CRTAP: variants seen among roughly 807,000 people sequenced by gnomAD.
CRTAP encodes cartilage-associated protein.
In CRTAP, 33 loss-of-function variants were observed where a neutral mutation model predicts 42.7. The ratio of observed to expected loss-of-function variants is 0.77; its 90% CI spans 0.59 to 1.03. The LOEUF is 1.03. Ranked by LOEUF, CRTAP falls within the 50% of genes least tolerant of loss-of-function variation. The probability of loss-of-function intolerance (pLI) is 0.00; values close to 1 mark genes in which losing one functional copy is unlikely to be tolerated. For missense variants in CRTAP, 613 were observed against 533.9 expected, an observed-to-expected ratio of 1.15 and a Z score of -1.46; for synonymous variants, 243 against 217.7, an observed-to-expected ratio of 1.12 and a Z score of -1.02.
chr3:33,144,948 A>C lies in CRTAP; in HGVS notation c.*2500A>C, dbSNP rs1362850790. ...GTGTAGTTGGGCCCCTCCAGGGTTG[A>C]AGGCAAGAGGAGAAAGGCACAGCGT... is the stretch of plus-strand genomic sequence containing the variant. On this transcript the variant is annotated 3_prime_UTR_variant, in exon 7 of 7. Transcript: ENST00000320954. 1 of 152,242 alleles carries C rather than the reference A, an allele frequency of 6.6e-6. No individual in the cohort carries two copies. Among genetic ancestry groups the C allele is most frequent in the Non-Finnish European group, 1.5e-5 (1 of 68,064 alleles). 9.4% of individuals were successfully genotyped at this position (152,242 alleles called of 1,614,324 possible). A position where few individuals can be genotyped will look rare whatever the true frequency, so the allele number is the denominator to read the frequency against.
At chr3:33,118,915 G>A (rs4478037) in intron 1 of CRTAP, among the ~76,000 whole-genome samples, 129,655 of 152,210 alleles carry the variant, frequency 0.85, 55,942 homozygotes, top group Non-Finnish European at 0.91. Flanking sequence ...TCCGGGGCCC[G>A]CAGCCCTGCT....
At chr3:33,129,571 T>C (rs2030180532) in intron 3 of CRTAP, among the ~76,000 whole-genome samples, 1 of 142,738 alleles carries the variant, frequency 7.0e-6, no homozygotes, top group South Asian at 2.2e-4. Context: ...GGAGTCTTGC[T>C]CTGTTGCCCA....
At chr3:33,141,307 A>G (rs2030564266) in intron 6 of CRTAP, among the ~76,000 whole-genome samples, 1 of 152,146 alleles carries the variant, frequency 6.6e-6, no homozygotes, top group African/African-American at 2.4e-5. Context: ...TATACACATA[A>G]TCCCTCTACT....
rs1435396409 is a variant in CRTAP, at chr3:33,114,232, T to C, written c.155T>C (p.Leu52Pro). The C allele has an allele frequency of 1.9e-6, 3 of 1,592,100 alleles. No individual in the cohort carries two copies. The highest frequency in any genetic ancestry group is 2.6e-6 in the Non-Finnish European group (3 of 1,175,258). The change falls in exon 1 of 7, where the codon CTG becomes CCG. Residue 52 changes from leucine to proline, a missense_variant. Physicochemically the swap from Leu to Pro is moderately conservative, Grantham distance 98. Coordinates refer to ENST00000320954, the MANE Select transcript of CRTAP (RefSeq NM_006371.5). ...CTCGAGTCGGCCTACCGGCACGCGC[T>C]GGACAAGTACAGCGGCGAGCACTGG... ...MPLESAYRHA[L>P]DKYSGEHWAE...
chr3:33,124,832 G>A (rs962750174), intron 3 of CRTAP, among the ~76,000 whole-genome samples: 1 of 152,146 alleles, frequency 6.6e-6, no homozygotes, highest in Non-Finnish European at 1.5e-5. Context: ...TGCCCTACTT[G>A]CTTACAGATT....
intron 6 of CRTAP, among the ~76,000 whole-genome samples, chr3:33,141,866 G>A (rs182881292): frequency 6.6e-6 from 1 of 152,310 alleles, no homozygotes; most frequent in Admixed American, 6.5e-5. Context: ...TGTCTCTCCT[G>A]TAAGAGGAGT....
Position 33,114,494 on chromosome 3 carries a change from G to T in CRTAP, c.417G>T (p.Leu139=), listed in dbSNP as rs762232251. The change falls in exon 1 of 7, where the codon CTG becomes CTT. Residue 139 remains leucine (L), a synonymous_variant. Coordinates refer to ENST00000320954, the MANE Select transcript of CRTAP (RefSeq NM_006371.5). ...FRQSQPSREV[L]ADFQRREPYK... ...AGTCCCAGCCCAGCCGCGAGGTGCT[G>T]GCGGACTTCCAGCGCCGCGAGCCCT... 1 of 1,603,818 alleles carries T rather than the reference G, an allele frequency of 6.2e-7. No homozygotes were observed. Among genetic ancestry groups the T allele is most frequent in the Non-Finnish European group, 8.5e-7 (1 of 1,177,046 alleles).
At chr3:33,121,168 G>A (rs763676814) in intron 2 of CRTAP, among the ~76,000 whole-genome samples, 13 of 152,140 alleles carry the variant, frequency 8.5e-5, no homozygotes, top group Non-Finnish European at 1.6e-4. Context: ...CAGCACTTTG[G>A]GAGGCCGAGG....
intron 6 of CRTAP, 114 bp from the exon 7 acceptor site, chr3:33,142,281 T>G (rs1223179022): frequency 6.9e-6 from 7 of 1,018,102 alleles, no homozygotes; most frequent in Admixed American, 1.8e-5. Context: ...AGAAAAAACC[T>G]GTTTCAGCCA....
chr3:33,137,200 G>T (rs867600142), intron 6 of CRTAP, among the ~76,000 whole-genome samples: 44 of 152,180 alleles, frequency 2.9e-4, no homozygotes, highest in African/African-American at 1.0e-3. Flanking sequence ...GAGTGCAATG[G>T]TGCGATCTCG....
intron 1 of CRTAP, among the ~76,000 whole-genome samples, chr3:33,118,068 C>G (rs1701366332): frequency 6.6e-6 from 1 of 152,044 alleles, no homozygotes; most frequent in Admixed American, 6.5e-5. Context: ...TCAAGTGATT[C>G]TCCTGCCTCA....
At chr3:33,127,029 A>G (rs1410872271) in intron 3 of CRTAP, among the ~76,000 whole-genome samples, 3 of 151,834 alleles carry the variant, frequency 2.0e-5, no homozygotes, top group Non-Finnish European at 4.4e-5. Flanking sequence ...GAGCAGAGGG[A>G]TGACTGAGTT....
chr3:33,126,049 C>A (rs1001267396), intron 3 of CRTAP, among the ~76,000 whole-genome samples: 3 of 152,218 alleles, frequency 2.0e-5, no homozygotes, highest in African/African-American at 7.2e-5. Flanking sequence ...CATGATTGTG[C>A]AACCATCAGC....
At chr3:33,123,302 C>T (rs2029949705) in intron 2 of CRTAP, among the ~76,000 whole-genome samples, 1 of 152,132 alleles carries the variant, frequency 6.6e-6, no homozygotes, top group African/African-American at 2.4e-5. Flanking sequence ...GTTGTAATCC[C>T]CAGGGTTGGA....
At chr3:33,126,085 G>A (rs2030059066) in intron 3 of CRTAP, among the ~76,000 whole-genome samples, 1 of 152,102 alleles carries the variant, frequency 6.6e-6, no homozygotes, top group African/African-American at 2.4e-5. Context: ...AACTTTTTAT[G>A]TTTCCCCAAA....
chr3:33,122,111 G>A (rs1020889893), intron 2 of CRTAP, among the ~76,000 whole-genome samples: 8 of 152,102 alleles, frequency 5.3e-5, no homozygotes, highest in Admixed American at 2.6e-4. Context: ...AGTCTTCACT[G>A]TTGTTTTCAT....
At chr3:33,129,593 A>G (rs1450115155) in intron 3 of CRTAP, among the ~76,000 whole-genome samples, 1 of 132,416 alleles carries the variant, frequency 7.6e-6, no homozygotes, top group Non-Finnish European at 1.5e-5. Context: ...GCTGGAGTGC[A>G]GTGGCGCGAT....
At chr3:33,134,135 G>C in intron 5 of CRTAP, 47 bp from the exon 6 acceptor site, 1 of 1,304,190 alleles carries the variant, frequency 7.7e-7, no homozygotes, top group Non-Finnish European at 1.1e-6. Context: ...CCAGTTCTAA[G>C]ATGAAAAGGT....
chr3:33,134,035 A>G (rs2030349055), intron 5 of CRTAP, 147 bp from the exon 6 acceptor site: 3 of 680,040 alleles, frequency 4.4e-6, no homozygotes, highest in Middle Eastern at 2.8e-4. Context: ...GGTTGTTAGT[A>G]TATTCAGAGT....
Sources: gnomAD v4.1 joint callset for allele counts (sites outside exome capture counted in the v4.1 genomes callset) on GRCh38, gnomAD v4.1.1 for gene constraint, MANE v1.5 for transcripts, NCBI Gene and HGNC (gene_info 2026-07-23, HGNC 2026-07-21) for gene names.